Variants in GPM6B observed in about 807,000 individuals in gnomAD.
GPM6B encodes the protein glycoprotein M6B.
In GPM6B, 4 loss-of-function variants were observed where a neutral mutation model predicts 27.2. The observed-to-expected ratio is 0.15, with a 90% CI of 0.07 to 0.34. GPM6B has a LOEUF of 0.34. Ranked by LOEUF, GPM6B falls within the 10% of genes least tolerant of loss-of-function variation. The probability of loss-of-function intolerance (pLI) is 1.00; values close to 1 mark genes in which losing one functional copy is unlikely to be tolerated. For synonymous variants in GPM6B, 124 were observed against 103.1 expected (o/e 1.20, Z -1.23); for missense variants, 183 against 261.9 (o/e 0.70, Z 2.08).
intron 1 of GPM6B, among the ~76,000 whole-genome samples, chrX:13,922,238 A>G (rs1920987228): frequency 9.0e-6 from 1 of 111,199 alleles, no homozygotes; most frequent in Non-Finnish European, 1.9e-5. Context: ...TGTCCTGTGC[A>G]CTATAGGACG....
At position 13,892,541 on chromosome X, in the gene GPM6B, T is replaced by A. The variant is rs987248163; in HGVS notation, c.-198+45786A>T. Among the ~76,000 whole-genome samples, 7 of 111,952 alleles carry A rather than the reference T, an allele frequency of 6.3e-5. No individual in the cohort carries two copies. The East Asian group carries it at 2.0e-3, about 31-fold the overall frequency. On this transcript the variant is annotated intron_variant, in intron 1 of 6. Transcript: ENST00000398361. ...GACATTTTGAGAAGTCCAAGAATACTCACTTCTTCAGACAAAATCTGTTTT... is the reference window on the plus strand; with the variant it reads ...GACATTTTGAGAAGTCCAAGAATACACACTTCTTCAGACAAAATCTGTTTT...
At chrX:13,829,069 T>C (rs2049409018) in intron 1 of GPM6B, among the ~76,000 whole-genome samples, 1 of 111,588 alleles carries the variant, frequency 9.0e-6, no homozygotes, top group African/African-American at 3.3e-5. Context: ...ACTGTTGAAC[T>C]CAGAGATTCC....
chrX:13,917,752 T>C (rs969641839), intron 1 of GPM6B, among the ~76,000 whole-genome samples: 25 of 112,427 alleles, frequency 2.2e-4, no homozygotes, highest in African/African-American at 7.1e-4. Flanking sequence ...TATGGCATTA[T>C]AGTTACTCAT....
chrX:13,937,426 A>G (rs1347135887), intron 1 of GPM6B, among the ~76,000 whole-genome samples: 10 of 111,852 alleles, frequency 8.9e-5, no homozygotes, highest in Non-Finnish European at 5.6e-5. Context: ...ATGAATGATT[A>G]GGGGAAGCGG....
intron 1 of GPM6B, among the ~76,000 whole-genome samples, chrX:13,853,888 C>T (rs974126586): frequency 2.2e-4 from 25 of 111,991 alleles, no homozygotes; most frequent in African/African-American, 7.8e-4. Context: ...CTGAACCAGC[C>T]TTATCACTTA....
chrX:13,915,686 G>A (rs888702585), intron 1 of GPM6B, among the ~76,000 whole-genome samples: 3 of 112,577 alleles, frequency 2.7e-5, no homozygotes, highest in African/African-American at 6.5e-5. Flanking sequence ...TTTTTTGCGC[G>A]TATATATGTA....
intron 1 of GPM6B, among the ~76,000 whole-genome samples, chrX:13,854,787 T>C (rs1434632347): frequency 8.9e-6 from 1 of 112,105 alleles, no homozygotes. Flanking sequence ...CAATTATTAT[T>C]TGTCAATTTA....
In GPM6B at chrX:13,772,884, T is replaced by C. The variant is rs756024718; in HGVS notation, c.984A>G (p.Thr328=). ...GCCGAAACACTCTGGCAAACATTTA[T>C]GTGTAAGAATTGAGTTGTTCTTTTG... ...SRSKEQLNSY[T] The change falls in exon 8 of 8, where the codon ACA becomes ACG. Residue 328 remains threonine (T), a synonymous_variant. Transcript: ENST00000316715. 3 of 1,210,180 alleles carry C rather than the reference T, an allele frequency of 2.5e-6. No homozygotes were observed. Among genetic ancestry groups the C allele is most frequent in the East Asian group, 3.0e-5 (1 of 33,867 alleles).
intron 1 of GPM6B, among the ~76,000 whole-genome samples, chrX:13,893,998 C>T (rs2050210704): frequency 8.9e-6 from 1 of 112,121 alleles, no homozygotes; most frequent in Non-Finnish European, 1.9e-5. Flanking sequence ...CATTCCTTCT[C>T]TCCACATCCT....
At chrX:13,852,560 A>G (rs1465634729) in intron 1 of GPM6B, among the ~76,000 whole-genome samples, 1 of 111,126 alleles carries the variant, frequency 9.0e-6, no homozygotes, top group Non-Finnish European at 1.9e-5. Context: ...AGGAGCACAC[A>G]GTACTAGACT....
At chrX:13,873,664 A>G (rs1374309717) in intron 1 of GPM6B, among the ~76,000 whole-genome samples, 4 of 111,644 alleles carry the variant, frequency 3.6e-5, no homozygotes, top group Admixed American at 1.9e-4. Flanking sequence ...AATTAGAACC[A>G]AGCCTGGCAT....
At chrX:13,906,694 G>C (rs1313384252) in intron 1 of GPM6B, among the ~76,000 whole-genome samples, 1 of 111,983 alleles carries the variant, frequency 8.9e-6, no homozygotes, top group Non-Finnish European at 1.9e-5. Flanking sequence ...GAAATGTCTA[G>C]CCTATATGAT....
intron 1 of GPM6B, among the ~76,000 whole-genome samples, chrX:13,888,681 T>C (rs1452683670): frequency 3.6e-5 from 4 of 111,974 alleles, no homozygotes; most frequent in Non-Finnish European, 7.5e-5. Flanking sequence ...ACCCCCTTTT[T>C]TTTCCTGTTT....
At chrX:13,874,543 C>CAAAA (rs34549189) in intron 1 of GPM6B, among the ~76,000 whole-genome samples, 2 of 82,596 alleles carry the variant, frequency 2.4e-5, no homozygotes, top group African/African-American at 4.6e-5. Flanking sequence ...ACTAAAAATA[C>CAAAA]AAAAAAAAAA....
Position 13,927,914 on chromosome X carries a change from C to T in GPM6B, c.-198+10413G>A, listed in dbSNP as rs184230947. 5.3e-5 allele frequency among the ~76,000 whole-genome samples: 6 copies of T among 112,273 alleles called. No homozygotes were observed. In the East Asian group the frequency reaches 1.7e-3, roughly 31 times the overall value. On this transcript the variant is annotated intron_variant, in intron 1 of 6. Transcript: ENST00000398361. ...ATTTTCAAAGTCCTTCTCACAGCTGCTGTGTCAATGCTTTCCACTTAAAAT... is the reference window on the plus strand; with the variant it reads ...ATTTTCAAAGTCCTTCTCACAGCTGTTGTGTCAATGCTTTCCACTTAAAAT...
At chrX:13,820,387 A>G (rs1263335691), upstream of GPM6B, among the ~76,000 whole-genome samples, 2 of 110,786 alleles carry the variant, frequency 1.8e-5, no homozygotes, top group Non-Finnish European at 3.8e-5. Flanking sequence ...GGGAACCAAT[A>G]TGGGGAACCA....
intron 2 of GPM6B, among the ~76,000 whole-genome samples, chrX:13,802,922 G>A: frequency 1.8e-5 from 2 of 111,909 alleles, no homozygotes; most frequent in African/African-American, 6.5e-5. Flanking sequence ...GGCACGACCA[G>A]ACTGTCAGTT....
chrX:13,812,686 C>T (rs1192492727), intron 1 of GPM6B, among the ~76,000 whole-genome samples: 1 of 111,244 alleles, frequency 9.0e-6, no homozygotes, highest in Non-Finnish European at 1.9e-5. Flanking sequence ...CCCTGTACTT[C>T]CAAATAACAG....
At chrX:13,910,094 C>A (rs369060325) in intron 1 of GPM6B, among the ~76,000 whole-genome samples, 6 of 112,103 alleles carry the variant, frequency 5.4e-5, no homozygotes, top group African/African-American at 1.9e-4. Flanking sequence ...CTGGACAAGA[C>A]CCGGAGAAAA....
Sources: allele counts gnomAD v4.1 joint callset (sites outside exome capture counted in the v4.1 genomes callset), GRCh38; gene constraint gnomAD v4.1.1; transcripts MANE v1.5; gene names NCBI Gene and HGNC (gene_info 2026-07-23, HGNC 2026-07-21).